Variants in FAM13A observed in about 807,000 individuals in gnomAD.
The protein encoded by FAM13A is family with sequence similarity 13 member A.
Under a neutral mutation model 129.6 loss-of-function variants are expected in FAM13A, and 76 were observed. That is an observed-to-expected ratio of 0.59 (90% CI 0.49 to 0.71). The LOEUF is 0.71. Ranked by LOEUF, FAM13A falls within the 30% of genes least tolerant of loss-of-function variation. FAM13A has a pLI of 0.00. For synonymous variants in FAM13A, 443 were observed against 449.9 expected, an observed-to-expected ratio of 0.98 and a Z score of 0.20; for missense variants, 1,108 against 1,249.3, an observed-to-expected ratio of 0.89 and a Z score of 1.70.
intron 3 of FAM13A, among the ~76,000 whole-genome samples, chr4:89,010,941 T>C (rs943351137): frequency 6.6e-6 from 1 of 152,072 alleles, no homozygotes; most frequent in Non-Finnish European, 1.5e-5. Flanking sequence ...CTCCACCTCC[T>C]GGCTCAAGCG....
intron 19 of FAM13A, among the ~76,000 whole-genome samples, chr4:88,745,613 TGGA>T (rs556050495): frequency 6.6e-6 from 1 of 152,328 alleles, no homozygotes; most frequent in East Asian, 1.9e-4. Context: ...AAGCCTATTG[TGGA>T]GAAGGAGTGT....
At chr4:88,737,806 C>A (rs1270689976) in intron 20 of FAM13A, among the ~76,000 whole-genome samples, 2 of 152,182 alleles carry the variant, frequency 1.3e-5, no homozygotes, top group African/African-American at 4.8e-5. Flanking sequence ...GTATATCCGG[C>A]AGACACGCAG....
rs559616119 is a variant in FAM13A at position 88,915,582 on chromosome 4, T to C, written c.760-9120A>G. ...TGTTTAAGTCTATTAAAAATTGCCC[T>C]ACAGAAAATGGCAACCAGTCATTTC... On this transcript the variant is annotated intron_variant, in intron 5 of 23. Coordinates refer to ENST00000264344, the MANE Select transcript of FAM13A (RefSeq NM_014883.4). Among the ~76,000 whole-genome samples the C allele has an allele frequency of 4.6e-5, 7 of 152,288 alleles. No homozygotes were observed. The South Asian group carries it at 8.3e-4, about 18-fold the overall frequency.
At chr4:88,811,053 ATT>A in intron 7 of FAM13A, among the ~76,000 whole-genome samples, 1 of 152,148 alleles carries the variant, frequency 6.6e-6, no homozygotes, top group South Asian at 2.1e-4. Flanking sequence ...ATGCTGATGA[ATT>A]AAGATCTATG....
intron 7 of FAM13A, among the ~76,000 whole-genome samples, chr4:88,839,481 G>A (rs1231621733): frequency 1.3e-5 from 2 of 152,148 alleles, no homozygotes; most frequent in Non-Finnish European, 2.9e-5. Context: ...ATAGACAAAG[G>A]AAAAATATGT....
intron 6 of FAM13A, among the ~76,000 whole-genome samples, chr4:88,880,364 G>A (rs1051674268): frequency 6.6e-6 from 1 of 152,162 alleles, no homozygotes; most frequent in Admixed American, 6.5e-5. Flanking sequence ...ACCTTACCTG[G>A]AGCTGAGACA....
intron 7 of FAM13A, among the ~76,000 whole-genome samples, chr4:88,822,525 C>G (rs1578822309): frequency 6.6e-6 from 1 of 152,136 alleles, no homozygotes; most frequent in African/African-American, 2.4e-5. Flanking sequence ...TGTACTTATT[C>G]ATGGAAAATC....
intron 8 of FAM13A, among the ~76,000 whole-genome samples, chr4:88,795,721 T>C (rs1726027010): frequency 6.6e-6 from 1 of 151,810 alleles, no homozygotes; most frequent in Non-Finnish European, 1.5e-5. Flanking sequence ...TTGTTGGCTA[T>C]ACCTCTAGTT....
intron 6 of FAM13A, among the ~76,000 whole-genome samples, chr4:88,856,188 T>TTTGTA (rs1738455931): frequency 6.6e-6 from 1 of 152,042 alleles, no homozygotes; most frequent in Non-Finnish European, 1.5e-5. Context: ...GTACAAAAAC[T>TTTGTA]CTAAGTGTGG....
intron 6 of FAM13A, among the ~76,000 whole-genome samples, chr4:88,892,234 C>A (rs1000908270): frequency 7.5e-6 from 1 of 134,172 alleles, no homozygotes; most frequent in African/African-American, 2.9e-5. Flanking sequence ...GGCTGGAGTG[C>A]AGTGGCGAGA....
intron 10 of FAM13A, among the ~76,000 whole-genome samples, chr4:88,782,955 C>A (rs546067272): frequency 6.6e-6 from 1 of 152,094 alleles, no homozygotes; most frequent in South Asian, 2.1e-4. Flanking sequence ...GTTTTCCTAG[C>A]CTTTTTTTCT....
chr4:88,743,657 A>G (rs1740694421), intron 19 of FAM13A, among the ~76,000 whole-genome samples: 1 of 152,194 alleles, frequency 6.6e-6, no homozygotes, highest in Admixed American at 6.5e-5. Context: ...TCAATACAGC[A>G]TCATCAATAT....
At chr4:88,886,593 AG>A (rs1169814076) in intron 6 of FAM13A, among the ~76,000 whole-genome samples, 1 of 151,226 alleles carries the variant, frequency 6.6e-6, no homozygotes, top group Non-Finnish European at 1.5e-5. Context: ...CATCTTAAAA[AG>A]AAAAAAAAAA....
chr4:88,959,978 T>C (rs775405558), intron 4 of FAM13A, among the ~76,000 whole-genome samples: 5 of 152,182 alleles, frequency 3.3e-5, no homozygotes, highest in East Asian at 3.9e-4. Flanking sequence ...ACAGTAGAAG[T>C]TGCCTGGTTC....
intron 6 of FAM13A, chr4:88,855,850 A>G (rs1467891386): frequency 6.6e-6 from 1 of 152,234 alleles, no homozygotes; most frequent in Non-Finnish European, 1.5e-5. Context: ...ATACAACAGT[A>G]AGCTGTAAGG....
chr4:88,935,712 TC>T (rs1753741392), intron 5 of FAM13A, among the ~76,000 whole-genome samples: 2 of 152,220 alleles, frequency 1.3e-5, no homozygotes, highest in Non-Finnish European at 2.9e-5. Context: ...TTCAAAAAAG[TC>T]TGTTTTCTAA....
intron 3 of FAM13A, among the ~76,000 whole-genome samples, chr4:88,991,921 T>A (rs955777866): frequency 5.3e-5 from 8 of 152,162 alleles, no homozygotes; most frequent in African/African-American, 1.9e-4. Flanking sequence ...TCCTATCTGA[T>A]AACCCTCCAT....
intron 4 of FAM13A, among the ~76,000 whole-genome samples, chr4:88,960,037 A>G (rs1579506359): frequency 6.6e-6 from 1 of 152,174 alleles, no homozygotes; most frequent in East Asian, 1.9e-4. Context: ...TTCAAAATAC[A>G]CTGGACCCTC....
chr4:88,980,598 T>C (rs913374745), intron 4 of FAM13A, among the ~76,000 whole-genome samples: 2 of 141,132 alleles, frequency 1.4e-5, no homozygotes, highest in Non-Finnish European at 3.1e-5. Flanking sequence ...AATATAATTA[T>C]GCTAAAAATT....
Sources: gnomAD v4.1 joint callset for allele counts (sites outside exome capture counted in the v4.1 genomes callset) on GRCh38, gnomAD v4.1.1 for gene constraint, MANE v1.5 for transcripts, NCBI Gene and HGNC (gene_info 2026-07-23, HGNC 2026-07-21) for gene names.